The following BMPR1A variants were observed in gnomAD, a reference collection of about 807,000 sequenced individuals.
The protein encoded by BMPR1A is bone morphogenetic protein receptor type-1A.
A neutral mutation model predicts 66.0 loss-of-function variants in BMPR1A; 7 were observed. The ratio of observed to expected loss-of-function variants is 0.11; its 90% CI spans 0.06 to 0.20. The LOEUF (loss-of-function observed/expected upper bound fraction) is 0.20. BMPR1A is among the 10% of genes least tolerant of loss of function. The pLI, the probability that BMPR1A is intolerant of heterozygous loss-of-function variation, is 1.00. For missense variants in BMPR1A, 408 were observed against 669.1 expected, an observed-to-expected ratio of 0.61 and a Z score of 4.31; for synonymous variants, 200 against 229.7, an observed-to-expected ratio of 0.87 and a Z score of 1.17.
rs747090661 is a variant in BMPR1A at position 86,921,632 on chromosome 10, A to G, written c.1279A>G (p.Met427Val). The change falls in exon 11 of 13, where the codon ATG (methionine) becomes GTG (valine). Residue 427 changes from methionine to valine, a missense_variant. Around this residue, in one of 5 missense-constraint regions of BMPR1A, gnomAD observed 130 missense variants for 257.3 expected, o/e 0.51. Transcript: ENST00000372037. ...CAAAAACCACTTCCAGCCCTACATC[A>G]TGGCTGACATCTACAGCTTCGGCCT... ...LNKNHFQPYI[M>V]ADIYSFGLII... 6.2e-7 allele frequency: 1 copy of G among 1,614,034 alleles called. No individual in the cohort carries two copies. Among genetic ancestry groups the G allele is most frequent in the African/African-American group, 1.3e-5 (1 of 74,922 alleles).
chr10:86,778,099 A>C (rs1260710420), intron 1 of BMPR1A, among the ~76,000 whole-genome samples: 1 of 152,014 alleles, frequency 6.6e-6, no homozygotes, highest in Non-Finnish European at 1.5e-5. Context: ...GTATGTAGTG[A>C]TGTTTTGATA....
At chr10:86,867,078 GTT>G (rs1160902393) in intron 2 of BMPR1A, among the ~76,000 whole-genome samples, 2 of 152,190 alleles carry the variant, frequency 1.3e-5, no homozygotes, top group African/African-American at 4.8e-5. Context: ...TAGATCATCT[GTT>G]TTAGGCTAGA....
At position 86,860,946 on chromosome 10, in the gene BMPR1A, A is replaced by C. The variant is rs188149390; in HGVS notation, c.-152-14921A>C. Among the ~76,000 whole-genome samples, 980 of 143,332 alleles carry C rather than the reference A, an allele frequency of 6.8e-3. 10 individuals carry two copies. Among genetic ancestry groups the C allele is most frequent in the African/African-American group, 0.024 (927 of 38,282 alleles). The allele number at this position is 143,332 out of a possible 152,430, so 94.0% of individuals were successfully genotyped here. ...AAGCTCCACCTCCCGGGTTCATGCC[A>C]TTCTCCTGCCTCAGCCTCCCCAGTA... On this transcript the variant is annotated intron_variant, in intron 2 of 12. Coordinates refer to ENST00000372037, the MANE Select transcript of BMPR1A (RefSeq NM_004329.3).
intron 5 of BMPR1A, among the ~76,000 whole-genome samples, chr10:86,893,293 C>T (rs1375420885): frequency 1.3e-5 from 2 of 152,064 alleles, no homozygotes; most frequent in Non-Finnish European, 2.9e-5. Context: ...TCTTTAAAAG[C>T]AGCAGCAAAG....
chr10:86,834,554 T>TAA (rs1305045583), intron 1 of BMPR1A, among the ~76,000 whole-genome samples: 2 of 152,216 alleles, frequency 1.3e-5, no homozygotes, highest in Non-Finnish European at 2.9e-5. Flanking sequence ...GTTTTATGAG[T>TAA]AAAGGCATCT....
At chr10:86,920,695 G>T (rs1461169293) in intron 10 of BMPR1A, among the ~76,000 whole-genome samples, 2 of 152,084 alleles carry the variant, frequency 1.3e-5, no homozygotes, top group Non-Finnish European at 2.9e-5. Context: ...ACAGAACTCT[G>T]TTGATGGGAC....
chr10:86,804,792 G>GTTTTTTTTTTTT (rs5786747), intron 1 of BMPR1A, among the ~76,000 whole-genome samples: 1 of 57,266 alleles, frequency 1.7e-5, no homozygotes, highest in Non-Finnish European at 3.2e-5. Flanking sequence ...GTTTGTAGGT[G>GTTTTTTTTTTTT]TTTTTTTTTT....
intron 2 of BMPR1A, among the ~76,000 whole-genome samples, chr10:86,860,876 C>G (rs573018365): frequency 6.9e-6 from 1 of 144,518 alleles, no homozygotes; most frequent in Non-Finnish European, 1.5e-5. Context: ...GAGTCTCGCT[C>G]TGCCGCCCAG....
intron 1 of BMPR1A, among the ~76,000 whole-genome samples, chr10:86,759,877 C>G (rs141300614): frequency 1.2e-4 from 19 of 152,216 alleles, no homozygotes; most frequent in African/African-American, 3.9e-4. Flanking sequence ...TTTTCTGATT[C>G]TCATATGAAT....
intron 1 of BMPR1A, among the ~76,000 whole-genome samples, chr10:86,775,775 A>G (rs1231194549): frequency 6.6e-6 from 1 of 152,134 alleles, no homozygotes; most frequent in African/African-American, 2.4e-5. Context: ...TTTCCTTGGT[A>G]ACCAGTGTTG....
chr10:86,913,126 A>G (rs7905916), intron 8 of BMPR1A, among the ~76,000 whole-genome samples: 9,000 of 151,632 alleles, frequency 0.059, 636 homozygotes, highest in African/African-American at 0.17. Context: ...ATTTTACTTT[A>G]TTTTATTTTA....
At chr10:86,922,946 T>C (rs1843688574) in intron 11 of BMPR1A, among the ~76,000 whole-genome samples, 1 of 152,274 alleles carries the variant, frequency 6.6e-6, no homozygotes, top group Non-Finnish European at 1.5e-5. Context: ...AAGCCGCCTT[T>C]CCTAAGGGAA....
chr10:86,822,981 A>G (rs1842142883), intron 1 of BMPR1A, among the ~76,000 whole-genome samples: 1 of 152,230 alleles, frequency 6.6e-6, no homozygotes, highest in Non-Finnish European at 1.5e-5. Flanking sequence ...TATCTGGCTC[A>G]TAGGCTTATT....
At chr10:86,826,187 AGCAAGGTTGTCTTCCTGAAGAGT>A (rs1430132069) in intron 1 of BMPR1A, among the ~76,000 whole-genome samples, 1 of 152,166 alleles carries the variant, frequency 6.6e-6, no homozygotes, top group Non-Finnish European at 1.5e-5. Context: ...GTATCCTAAG[AGCAAGGTTGTCTTCCTGAAGAGT>A]TACATTATCA....
chr10:86,926,617 C>T lies in BMPR1A; in HGVS notation c.*2898C>T, dbSNP rs1435069472. 6 of 180,498 alleles carry T rather than the reference C, an allele frequency of 3.3e-5. No homozygotes were observed. Among genetic ancestry groups the T allele is most frequent in the Non-Finnish European group, 5.9e-5 (5 of 84,544 alleles). The allele number at this position is 180,498 out of a possible 1,614,324, so 11.2% of individuals were successfully genotyped here. ...TCTTATTCTTAAATCTGAAGCTCAT[C>T]GACTAAGTGAAATATTTAAAGAATA... On this transcript the variant is annotated 3_prime_UTR_variant, in exon 13 of 13. Transcript: ENST00000372037.
intron 1 of BMPR1A, among the ~76,000 whole-genome samples, chr10:86,790,174 AAAAAAAAAAAAAAAAT>A (rs1368529857): frequency 3.6e-4 from 14 of 38,368 alleles, no homozygotes; most frequent in African/African-American, 1.8e-3. Flanking sequence ...AAAAAAAAAA[AAAAAAAAAAAAAAAAT>A]ATATATATAT....
chr10:86,810,801 C>G (rs894196907), intron 1 of BMPR1A, among the ~76,000 whole-genome samples: 4 of 152,162 alleles, frequency 2.6e-5, no homozygotes, highest in Non-Finnish European at 5.9e-5. Context: ...ATTCCAGATA[C>G]AAGTCCTTAT....
intron 7 of BMPR1A, among the ~76,000 whole-genome samples, chr10:86,902,294 CT>C (rs1450389685): frequency 1.3e-5 from 2 of 151,776 alleles, no homozygotes; most frequent in Non-Finnish European, 2.9e-5. Flanking sequence ...AGATTTTTTT[CT>C]CTTTGATTTA....
chr10:86,825,522 G>C (rs977838194), intron 1 of BMPR1A, among the ~76,000 whole-genome samples: 14 of 151,440 alleles, frequency 9.2e-5, no homozygotes, highest in Non-Finnish European at 5.9e-5. Flanking sequence ...TGTTGCCCAG[G>C]CTAGAGTATA....
Sources: allele counts gnomAD v4.1 joint callset (sites outside exome capture counted in the v4.1 genomes callset), GRCh38; gene constraint gnomAD v4.1.1; regional missense constraint gnomAD v4.1.1; transcripts MANE v1.5; gene names NCBI Gene and HGNC (gene_info 2026-07-23, HGNC 2026-07-21).